PPARGC1A: variants seen among roughly 807,000 people sequenced by gnomAD.
The protein encoded by PPARGC1A is peroxisome proliferator-activated receptor gamma coactivator 1-alpha.
A neutral mutation model predicts 88.7 loss-of-function variants in PPARGC1A; 25 were observed. The observed-to-expected ratio is 0.28, with a 90% CI of 0.21 to 0.39. PPARGC1A has a LOEUF of 0.39. Among genes scored for constraint, PPARGC1A ranks in the 10% least tolerant of loss-of-function variants. PPARGC1A has a pLI of 1.00. For missense variants in PPARGC1A, 880 were observed against 968.7 expected, an observed-to-expected ratio of 0.91 and a Z score of 1.22; for synonymous variants, 363 against 355.6, an observed-to-expected ratio of 1.02 and a Z score of -0.24.
chr4:24,051,524 A>G, the PPARGC1A span, among the ~76,000 whole-genome samples: 1 of 152,246 alleles, frequency 6.6e-6, no homozygotes, highest in Non-Finnish European at 1.5e-5. Flanking sequence ...CATTTTACAG[A>G]TAAGAGGGTA....
chr4:24,430,094 C>T, the PPARGC1A span, among the ~76,000 whole-genome samples: 1 of 152,106 alleles, frequency 6.6e-6, no homozygotes, highest in Non-Finnish European at 1.5e-5. Flanking sequence ...AGATTATCCC[C>T]TAGGACCCAG....
the PPARGC1A span, among the ~76,000 whole-genome samples, chr4:23,986,507 G>A: frequency 1.3e-5 from 2 of 152,208 alleles, no homozygotes; most frequent in Admixed American, 6.5e-5. Flanking sequence ...TTCTCAACAA[G>A]CTCAGAGCAC....
chr4:24,206,778 T>C, the PPARGC1A span, among the ~76,000 whole-genome samples: 1 of 136,560 alleles, frequency 7.3e-6, no homozygotes, highest in African/African-American at 2.8e-5. Flanking sequence ...AGGTGGAGGC[T>C]GCAGTGAGCC....
At chr4:23,812,602 T>C (rs1441230156) in intron 10 of PPARGC1A, 145 bp downstream of exon 10, 15 of 1,262,762 alleles carry the variant, frequency 1.2e-5, no homozygotes, top group Admixed American at 2.4e-5. Flanking sequence ...CGAAGACTTA[T>C]GGATATTTTA....
At chr4:24,422,270 T>C in the PPARGC1A span, among the ~76,000 whole-genome samples, 3 of 152,172 alleles carry the variant, frequency 2.0e-5, no homozygotes, top group Non-Finnish European at 4.4e-5. Flanking sequence ...CTTCTGGCCC[T>C]TTACAAAAGA....
chr4:24,194,669 C>CACACACACA, the PPARGC1A span, among the ~76,000 whole-genome samples: 124 of 40,224 alleles, frequency 3.1e-3, 1 homozygote, highest in East Asian at 6.1e-3. Context: ...CACACACACA[C>CACACACACA]CCCCATCAAG....
At chr4:23,893,645 A>G (rs1718170560), upstream of PPARGC1A, among the ~76,000 whole-genome samples, 1 of 152,176 alleles carries the variant, frequency 6.6e-6, no homozygotes, top group African/African-American at 2.4e-5. Flanking sequence ...TGGGCATAAA[A>G]AGGTGACCAA....
At chr4:24,211,399 C>A in the PPARGC1A span, among the ~76,000 whole-genome samples, 1 of 152,168 alleles carries the variant, frequency 6.6e-6, no homozygotes, top group East Asian at 1.9e-4. Flanking sequence ...ATGTCACTCC[C>A]CTGAGTGCAG....
intron 1 of PPARGC1A, among the ~76,000 whole-genome samples, chr4:23,896,569 T>C (rs762664504): frequency 5.3e-5 from 8 of 152,118 alleles, no homozygotes; most frequent in Non-Finnish European, 1.0e-4. Flanking sequence ...AAGGAAGCTA[T>C]CAGCTACTAT....
At position 23,795,835 on chromosome 4, in the gene PPARGC1A, C is replaced by T; in HGVS notation, c.2384G>A (p.Ser795Asn). 6.2e-7 allele frequency: 1 copy of T among 1,610,546 alleles called. No individual in the cohort carries two copies. The highest frequency in any genetic ancestry group is 8.5e-7 in the Non-Finnish European group (1 of 1,178,652). The change falls in exon 13 of 13, where the codon AGC (serine) becomes AAC (asparagine). Residue 795 changes from serine (S) to asparagine (N), a missense_variant. Physicochemically the swap from Ser to Asn is conservative, Grantham distance 46 (BLOSUM62 1). Transcript: ENST00000264867. ...CTAGGGAACATGTTACCTGCGCAAG[C>T]TTCTCTGAGCTTCTTTCAGTAAACT... The part of the protein sequence containing the change: ...FDSLLKEAQR[S>N]LRR
chr4:24,394,728 C>T, the PPARGC1A span, among the ~76,000 whole-genome samples: 1 of 152,244 alleles, frequency 6.6e-6, no homozygotes, highest in Admixed American at 6.5e-5. Flanking sequence ...AAGATGCTAT[C>T]AATTGTGAGA....
chr4:24,114,437 A>G, the PPARGC1A span, among the ~76,000 whole-genome samples: 4 of 152,166 alleles, frequency 2.6e-5, no homozygotes, highest in Admixed American at 2.6e-4. Context: ...TCTGGAAAAA[A>G]CAGGGTTTTA....
At chr4:24,438,983 A>G in the PPARGC1A span, among the ~76,000 whole-genome samples, 1 of 152,140 alleles carries the variant, frequency 6.6e-6, no homozygotes, top group Admixed American at 6.6e-5. Context: ...GACTGCACTA[A>G]TATATTATGC....
chr4:23,889,763 A>T (rs768244818), intron 1 of PPARGC1A, 141 bp downstream of exon 1: 1 of 992,334 alleles, frequency 1.0e-6, no homozygotes, highest in Non-Finnish European at 1.4e-6. Flanking sequence ...TTAAGATAAG[A>T]TTGAGATTCT....
At position 23,842,759 on chromosome 4, in the gene PPARGC1A, T is replaced by C. The variant is rs572027258; in HGVS notation, c.235-11008A>G. 6.6e-5 allele frequency among the ~76,000 whole-genome samples: 10 copies of C among 152,200 alleles called. No homozygotes were observed. In the South Asian group the frequency reaches 8.3e-4, roughly 13 times the overall value. On this transcript the variant is annotated intron_variant, in intron 2 of 12. Transcript: ENST00000264867. ...AACAACTGCCCTGGGAGGTAGAGCC[T>C]AGGATTCTGTAATTTTGATAAGCAA...
the PPARGC1A span, among the ~76,000 whole-genome samples, chr4:24,018,959 G>A: frequency 6.6e-6 from 1 of 152,052 alleles, no homozygotes; most frequent in Non-Finnish European, 1.5e-5. Flanking sequence ...GATACACCTA[G>A]GTATTATTTT....
the PPARGC1A span, among the ~76,000 whole-genome samples, chr4:24,217,182 C>A: frequency 6.6e-6 from 1 of 152,212 alleles, no homozygotes; most frequent in African/African-American, 2.4e-5. Context: ...TCAAGCAGAA[C>A]TTCAGCTAGC....
intron 2 of PPARGC1A, among the ~76,000 whole-genome samples, chr4:23,863,544 G>A (rs1731621756): frequency 6.6e-6 from 1 of 152,028 alleles, no homozygotes; most frequent in African/African-American, 2.4e-5. Flanking sequence ...GTCATCACTT[G>A]GTCTTTCCTC....
chr4:24,309,330 T>C, the PPARGC1A span, among the ~76,000 whole-genome samples: 2 of 152,016 alleles, frequency 1.3e-5, no homozygotes, highest in Admixed American at 6.5e-5. Flanking sequence ...AAAGGGGTAA[T>C]GCAAAGATGC....
Sources: gnomAD v4.1 joint callset for allele counts (sites outside exome capture counted in the v4.1 genomes callset) on GRCh38, gnomAD v4.1.1 for gene constraint, MANE v1.5 for transcripts, NCBI Gene and HGNC (gene_info 2026-07-23, HGNC 2026-07-21) for gene names.